Variants in PDCD11 observed in about 807,000 individuals in gnomAD.
PDCD11 encodes the protein programmed cell death 11, also known as protein RRP5 homolog.
PDCD11 carries 97 observed loss-of-function variants against 198.9 expected under a neutral mutation model. The ratio of observed to expected loss-of-function variants is 0.49; its 90% confidence interval spans 0.41 to 0.58. PDCD11 has a LOEUF of 0.58. PDCD11 is among the 20% of genes least tolerant of loss of function. The pLI is 0.00. For missense variants in PDCD11, 2,102 were observed against 2,312.7 expected, an observed-to-expected ratio of 0.91 and a Z score of 1.87; for synonymous variants, 893 against 918.0, an observed-to-expected ratio of 0.97 and a Z score of 0.49.
intron 27 of PDCD11, among the ~76,000 whole-genome samples, chr10:103,439,275 G>A (rs1017615025): frequency 1.3e-5 from 2 of 152,304 alleles, no homozygotes; most frequent in Non-Finnish European, 2.9e-5. Flanking sequence ...CCATAAGTTC[G>A]AGGTTACATT....
At position 103,397,878 on chromosome 10, in the gene PDCD11, C is replaced by T. The variant is rs558611704; in HGVS notation, c.-11-538C>T. Among the ~76,000 whole-genome samples, 10 of 152,296 alleles carry T rather than the reference C, an allele frequency of 6.6e-5. No homozygotes were observed. The East Asian group carries it at 1.9e-3, about 29-fold the overall frequency. On this transcript the variant is annotated intron_variant, in intron 1 of 35. Transcript: ENST00000369797. ...ATTGAAATAATAGGCTTTTCCCATC[C>T]ATGTCTTTTCTCACATTCCCTTTCT... is the stretch of plus-strand genomic sequence containing the variant.
chr10:103,415,767 A>G (rs1319575797), intron 12 of PDCD11, among the ~76,000 whole-genome samples: 1 of 152,178 alleles, frequency 6.6e-6, no homozygotes, highest in Admixed American at 6.6e-5. Flanking sequence ...GGGGAGAGCA[A>G]AGGTTGTGTT....
rs746811398 is a variant in PDCD11, at chr10:103,425,465, T to C, written c.3245T>C (p.Leu1082Pro). Residue 1082 changes from leucine (L) to proline (P), a missense_variant, in exon 20 of 36, where the codon CTG (leucine) becomes CCG (proline). Coordinates refer to ENST00000369797, the MANE Select transcript of PDCD11 (RefSeq NM_014976.2). ...VPEGTSPTTK[L>P]KVGKTVTARV... Reference sequence around the variant, plus strand: ...GAGGGCACCTCTCCTACTACCAAGCTGAAGGTTGGGAAGACGGTCACTGCC... The same window carrying C: ...GAGGGCACCTCTCCTACTACCAAGCCGAAGGTTGGGAAGACGGTCACTGCC... The C allele has an allele frequency of 1.8e-5, 29 of 1,613,742 alleles. No individual in the cohort carries two copies. Among genetic ancestry groups the C allele is most frequent in the African/African-American group, 4.0e-5 (3 of 74,846 alleles).
intron 17 of PDCD11, among the ~76,000 whole-genome samples, chr10:103,422,316 A>G (rs2031485339): frequency 6.6e-6 from 1 of 151,724 alleles, no homozygotes; most frequent in African/African-American, 2.4e-5. Context: ...CCTGACCTCA[A>G]GTGATCCACC....
At position 103,445,673 on chromosome 10, in the gene PDCD11, C is replaced by T; in HGVS notation, c.*124C>T. The T allele has an allele frequency of 1.4e-6, 1 of 717,404 alleles. No homozygotes were observed. 44.4% of individuals were successfully genotyped at this position (717,404 alleles called of 1,614,324 possible). On this transcript the variant is annotated 3_prime_UTR_variant, in exon 36 of 36. Transcript: ENST00000369797. Reference sequence around the variant, plus strand: ...TAAATGCTGCTTTTTCTGCAGCACGCTTGGGGAAATCCTGTCAGGATGAAA... The same window carrying T: ...TAAATGCTGCTTTTTCTGCAGCACGTTTGGGGAAATCCTGTCAGGATGAAA...
intron 34 of PDCD11, 78 bp from the exon 35 acceptor site, chr10:103,444,439 C>G: frequency 7.2e-7 from 1 of 1,394,860 alleles, no homozygotes; most frequent in Non-Finnish European, 1.0e-6. Flanking sequence ...GTCAGGTGCA[C>G]GCTGACCCTG....
At chr10:103,411,887 C>G (rs2030826263) in intron 8 of PDCD11, among the ~76,000 whole-genome samples, 1 of 152,170 alleles carries the variant, frequency 6.6e-6, no homozygotes. Flanking sequence ...GATGCAGTGA[C>G]ACCAGTACAT....
In PDCD11 at chr10:103,407,273, T is replaced by C. The variant is rs117460721; in HGVS notation, c.870+483T>C. Among the ~76,000 whole-genome samples, 725 of 152,262 alleles carry C rather than the reference T, an allele frequency of 4.8e-3. 3 individuals are homozygous for C. The highest frequency in any genetic ancestry group is 8.4e-3 in the Admixed American group (128 of 15,290). The stretch of plus-strand genomic sequence containing the variant: ...ACTTTTTATCAAGGTAGAAAAGATT[T>C]TGGTCTCTCTTTTTTTAATTAAAAA... On this transcript the variant is annotated intron_variant, in intron 7 of 35. Transcript: ENST00000369797.
At chr10:103,414,428 C>T in intron 11 of PDCD11, 98 bp downstream of exon 11, 1 of 773,278 alleles carries the variant, frequency 1.3e-6, no homozygotes, top group Non-Finnish European at 2.2e-6. Context: ...CATGTTAACA[C>T]ATTGAATGTC....
At chr10:103,423,821 A>G (rs2031566249) in intron 19 of PDCD11, among the ~76,000 whole-genome samples, 163 bp downstream of exon 19, 1 of 152,068 alleles carries the variant, frequency 6.6e-6, no homozygotes, top group African/African-American at 2.4e-5. Context: ...GGTGTGGTTC[A>G]TAGTGCTGAC....
rs78125145 is a variant in PDCD11 at position 103,403,268 on chromosome 10, C to A, written c.385C>A (p.Gln129Lys). Residue 129 changes from glutamine (Q) to lysine (K), a missense_variant, in exon 4 of 36, where the codon CAA becomes AAA. By Grantham distance (53) the Gln-to-Lys change is moderately conservative. Transcript: ENST00000369797. Reference sequence around the variant, plus strand: ...CAAAAAGCTGAATGAGCAGGTGACACAAGAACAACCTCTGAAGGTAAGGGA... The same window carrying A: ...CAAAAAGCTGAATGAGCAGGTGACAAAAGAACAACCTCTGAAGGTAAGGGA... The part of the protein sequence containing the change: ...YTKKLNEQVT[Q>K]EQPLKDLLHL... 6.2e-7 allele frequency: 1 copy of A among 1,613,850 alleles called. No individual in the cohort carries two copies. The highest frequency in any genetic ancestry group is 8.5e-7 in the Non-Finnish European group (1 of 1,179,864).
chr10:103,442,289 T>C lies in PDCD11; in HGVS notation c.4784T>C (p.Leu1595Pro). 6.2e-7 allele frequency: 1 copy of C among 1,614,212 alleles called. No individual in the cohort carries two copies. Among genetic ancestry groups the C allele is most frequent in the Non-Finnish European group, 8.5e-7 (1 of 1,180,032 alleles). The change falls in exon 32 of 36, where the codon CTG (leucine) becomes CCG (proline). Residue 1595 changes from leucine (L) to proline (P), a missense_variant. Transcript: ENST00000369797. ...GAACTGTCCCGCATTGAGGAGGCGC[T>C]GATGGATCCTGGGCGGCAGCCAGAG... Reference protein sequence around the residue: ...EKELSRIEEALMDPGRQPESA... With the variant: ...EKELSRIEEAPMDPGRQPESA...
At chr10:103,437,690 G>A (rs764305302) in intron 25 of PDCD11, among the ~76,000 whole-genome samples, 8 of 151,988 alleles carry the variant, frequency 5.3e-5, no homozygotes, top group South Asian at 2.1e-4. Flanking sequence ...GGGTTTCACC[G>A]TGTTAGCCAG....
At chr10:103,442,537 C>G (rs959082650) in intron 32 of PDCD11, 77 bp downstream of exon 32, 1 of 1,526,602 alleles carries the variant, frequency 6.6e-7, no homozygotes, top group Non-Finnish European at 8.9e-7. Flanking sequence ...TGGGGTAGCT[C>G]CTCCTAGGCA....
intron 31 of PDCD11, 75 bp from the exon 32 acceptor site, chr10:103,442,138 T>C (rs2032411088): frequency 4.4e-6 from 7 of 1,585,444 alleles, no homozygotes; most frequent in Non-Finnish European, 5.2e-6. Flanking sequence ...CCCAGCCAAC[T>C]CGTGACTTCC....
Position 103,446,162 on chromosome 10 carries a change from T to A in PDCD11, c.*613T>A, listed in dbSNP as rs1592146497. 1 of 152,956 alleles carries A rather than the reference T, an allele frequency of 6.5e-6. No homozygotes were observed. Among genetic ancestry groups the A allele is most frequent in the East Asian group, 1.9e-4 (1 of 5,194 alleles). 9.5% of individuals were successfully genotyped at this position (152,956 alleles called of 1,614,324 possible). A position where few individuals can be genotyped will look rare whatever the true frequency, so the allele number is the denominator to read the frequency against. ...TGATGATGTCTCATCCCACGCCCAC[T>A]ATGGCCACATTACCTAACCTCTCCA... On this transcript the variant is annotated 3_prime_UTR_variant, in exon 36 of 36. Transcript: ENST00000369797.
chr10:103,418,627 G>A lies in PDCD11; in HGVS notation c.2099G>A (p.Gly700Glu), dbSNP rs1214431846. The A allele has an allele frequency of 1.2e-6, 2 of 1,613,536 alleles. No homozygotes were observed. Among genetic ancestry groups the A allele is most frequent in the Admixed American group, 3.3e-5 (2 of 59,980 alleles). ...GTCCTGTGTCTGAGCCAGAGCGAGG[G>A]GCGTGTTGTATCCTTGACTGGTATC... ...HRVLCLSQSE[G>E]RVLLCRKPAL... The change falls in exon 15 of 36, where the codon GGG becomes GAG. Residue 700 changes from glycine to glutamate, a missense_variant. Transcript: ENST00000369797.
intron 3 of PDCD11, among the ~76,000 whole-genome samples, chr10:103,400,840 C>T (rs1360660698): frequency 2.0e-5 from 3 of 152,258 alleles, no homozygotes; most frequent in African/African-American, 7.2e-5. Context: ...GTCTTGAACT[C>T]CTGGGCTCAA....
At chr10:103,406,897 CT>C (rs2030488365) in intron 7 of PDCD11, 107 bp downstream of exon 7, 2 of 840,270 alleles carry the variant, frequency 2.4e-6, no homozygotes, top group Admixed American at 3.0e-5. Flanking sequence ...TCACTAGTCA[CT>C]TACGCCCATT....
Sources: allele counts gnomAD v4.1 joint callset (sites outside exome capture counted in the v4.1 genomes callset), GRCh38; gene constraint gnomAD v4.1.1; transcripts MANE v1.5; gene names NCBI Gene and HGNC (gene_info 2026-07-23, HGNC 2026-07-21).